Variants in SEL1L2 observed in about 807,000 individuals in gnomAD.
SEL1L2 encodes protein sel-1 homolog 2.
SEL1L2 carries 89 observed loss-of-function variants against 98.8 expected under a neutral mutation model. That is an observed-to-expected ratio of 0.90 (90% CI 0.76 to 1.07). The LOEUF is 1.07. Ranked by LOEUF, SEL1L2 falls within the 50% of genes least tolerant of loss-of-function variation. The pLI is 0.00. For missense variants in SEL1L2, 788 were observed against 812.0 expected, an observed-to-expected ratio of 0.97 and a Z score of 0.36; for synonymous variants, 262 against 278.5, an observed-to-expected ratio of 0.94 and a Z score of 0.59.
rs139099832 is a variant in SEL1L2, at chr20:13,986,072, T to C, written c.58+4405A>G. ...ATTTGGGCTAGTTCCACTTTTTGTC[T>C]ATTATGAATAATGCTACTATTTATG... On this transcript the variant is annotated intron_variant, in intron 1 of 19. Transcript: ENST00000284951. 2.0e-5 allele frequency among the ~76,000 whole-genome samples: 3 copies of C among 152,376 alleles called. No individual in the cohort carries two copies. In the East Asian group the frequency reaches 5.8e-4, roughly 29 times the overall value.
At chr20:13,905,819 G>A (rs929853208) in intron 5 of SEL1L2, among the ~76,000 whole-genome samples, 5 of 149,194 alleles carry the variant, frequency 3.4e-5, no homozygotes, top group African/African-American at 1.2e-4. Context: ...TCAGTGGTTT[G>A]TAAAGGTCAA....
At chr20:13,986,871 C>T in intron 1 of SEL1L2, among the ~76,000 whole-genome samples, 1 of 152,212 alleles carries the variant, frequency 6.6e-6, no homozygotes, top group East Asian at 1.9e-4. Context: ...CTTGCTCTGT[C>T]ACCCAGGCTG....
chr20:13,870,370 CCTT>C (rs2046127802), intron 12 of SEL1L2, among the ~76,000 whole-genome samples, 167 bp from the exon 13 acceptor site: 1 of 152,212 alleles, frequency 6.6e-6, no homozygotes, highest in East Asian at 1.9e-4. Context: ...CTTTCATAAA[CCTT>C]CTGGCTAGAA....
chr20:13,926,630 T>G (rs749741191), intron 3 of SEL1L2, among the ~76,000 whole-genome samples: 3 of 152,220 alleles, frequency 2.0e-5, no homozygotes, highest in Non-Finnish European at 4.4e-5. Flanking sequence ...CTTCAGAGAC[T>G]GACTGCCAAA....
Position 13,953,248 on chromosome 20 carries a change from C to G in SEL1L2, c.114+2828G>C, listed in dbSNP as rs976763379. On this transcript the variant is annotated intron_variant, in intron 2 of 19. Coordinates refer to ENST00000284951, the MANE Select transcript of SEL1L2 (RefSeq NM_025229.2). ...ATTTTTGATGTGTCCTTACCCATCC[C>G]TTTTTTCTCGTTTTGATACGTGTTT... is the stretch of plus-strand genomic sequence containing the variant. Among the ~76,000 whole-genome samples the G allele has an allele frequency of 6.6e-5, 10 of 152,118 alleles. 1 individual carries two copies. The highest frequency in any genetic ancestry group is 5.9e-4 in the Admixed American group (9 of 15,274).
chr20:13,914,478 T>C (rs2048322636), intron 4 of SEL1L2, among the ~76,000 whole-genome samples: 1 of 152,164 alleles, frequency 6.6e-6, no homozygotes, highest in Non-Finnish European at 1.5e-5. Flanking sequence ...GTCAGACTCT[T>C]TGGAAAAACA....
intron 18 of SEL1L2, among the ~76,000 whole-genome samples, chr20:13,853,363 A>G (rs1196527621): frequency 1.3e-5 from 2 of 150,082 alleles, no homozygotes; most frequent in Admixed American, 1.3e-4. Context: ...GTGTGCCACC[A>G]TGCCAGGCTG....
At chr20:13,915,081 T>C in intron 4 of SEL1L2, 3 of 1,262,598 alleles carry the variant, frequency 2.4e-6, no homozygotes, top group Non-Finnish European at 3.1e-6. Flanking sequence ...CCCATAAAAA[T>C]CTACCATTGC....
At chr20:13,852,227 G>A (rs1988382678) in intron 18 of SEL1L2, among the ~76,000 whole-genome samples, 1 of 152,134 alleles carries the variant, frequency 6.6e-6, no homozygotes, top group East Asian at 1.9e-4. Flanking sequence ...ATGTCTTGCG[G>A]TAGAAGCATT....
rs1311902503 is a variant in SEL1L2, at chr20:13,865,165, A to T, written c.1645+2T>A. ...GTGCTTATTTTTATCTGGGTTCCAT[A>T]CCTTGAATGGCAGCTCGATTCCATA... On this transcript the variant is annotated splice_donor_variant, in intron 17 of 19. Coordinates refer to ENST00000284951, the MANE Select transcript of SEL1L2 (RefSeq NM_025229.2). LOFTEE classifies it high-confidence loss of function. 1 of 1,610,404 alleles carries T rather than the reference A, an allele frequency of 6.2e-7. No homozygotes were observed. Among genetic ancestry groups the T allele is most frequent in the South Asian group, 1.1e-5 (1 of 90,882 alleles).
chr20:13,870,325 G>T, intron 12 of SEL1L2, 122 bp from the exon 13 acceptor site: 1 of 687,730 alleles, frequency 1.5e-6, no homozygotes, highest in Non-Finnish European at 2.6e-6. Context: ...GCAGTTGGCA[G>T]GTTATTCTGA....
At chr20:13,920,527 C>T (rs1416869693) in intron 3 of SEL1L2, among the ~76,000 whole-genome samples, 1 of 151,972 alleles carries the variant, frequency 6.6e-6, no homozygotes, top group African/African-American at 2.4e-5. Context: ...ATCCTTCCAC[C>T]AATGTGTGCA....
At chr20:13,916,180 TGAATTGGTCCAG>T (rs1278341373) in intron 4 of SEL1L2, among the ~76,000 whole-genome samples, 2 of 152,178 alleles carry the variant, frequency 1.3e-5, no homozygotes, top group African/African-American at 4.8e-5. Context: ...AATGAATGAA[TGAATTGGTCCAG>T]GATGTGGGTG....
At chr20:13,910,829 C>T (rs1486215808) in intron 5 of SEL1L2, among the ~76,000 whole-genome samples, 1 of 152,182 alleles carries the variant, frequency 6.6e-6, no homozygotes, top group South Asian at 2.1e-4. Context: ...TAGAGTAACA[C>T]TAGCTAGATG....
chr20:13,874,379 A>G (rs1283142541), intron 12 of SEL1L2, among the ~76,000 whole-genome samples: 1 of 152,224 alleles, frequency 6.6e-6, no homozygotes, highest in Non-Finnish European at 1.5e-5. Flanking sequence ...ACCTAATGCC[A>G]TTTAGAATAA....
chr20:13,940,428 TG>T (rs2049707103), intron 2 of SEL1L2, among the ~76,000 whole-genome samples: 2 of 152,086 alleles, frequency 1.3e-5, no homozygotes, highest in African/African-American at 4.8e-5. Flanking sequence ...CCCAAGTGGC[TG>T]AAGGAGTGTG....
chr20:13,941,340 C>T (rs1050204806), intron 2 of SEL1L2, among the ~76,000 whole-genome samples: 3 of 152,148 alleles, frequency 2.0e-5, no homozygotes, highest in Admixed American at 6.5e-5. Context: ...TCTTAAAAAT[C>T]CCTGATCTAG....
At chr20:13,982,565 A>T (rs2035444364) in intron 1 of SEL1L2, among the ~76,000 whole-genome samples, 1 of 151,690 alleles carries the variant, frequency 6.6e-6, no homozygotes, top group South Asian at 2.1e-4. Context: ...TATCATTGTA[A>T]ACAAAAAATT....
chr20:13,885,296 C>T (rs1189024486), intron 10 of SEL1L2, 51 bp downstream of exon 10: 1 of 1,224,996 alleles, frequency 8.2e-7, no homozygotes, highest in South Asian at 1.2e-5. Flanking sequence ...GCCAGCCTCC[C>T]TCACCACTAC....
Sources: gnomAD v4.1 joint callset for allele counts (sites outside exome capture counted in the v4.1 genomes callset) on GRCh38, gnomAD v4.1.1 for gene constraint, MANE v1.5 for transcripts, NCBI Gene and HGNC (gene_info 2026-07-23, HGNC 2026-07-21) for gene names.